CAMK2B: variants seen among roughly 807,000 people sequenced by gnomAD.
CAMK2B encodes the protein calcium/calmodulin dependent protein kinase II beta, also known as calcium/calmodulin-dependent protein kinase type II subunit beta.
A neutral mutation model predicts 93.7 loss-of-function variants in CAMK2B; 27 were observed. That is an observed-to-expected ratio of 0.29 (90% CI 0.21 to 0.40). The LOEUF is 0.40. Ranked by LOEUF, CAMK2B falls within the 10% of genes least tolerant of loss-of-function variation. CAMK2B has a pLI of 1.00. For missense variants in CAMK2B, 568 were observed against 895.8 expected, an observed-to-expected ratio of 0.63 and a Z score of 4.67; for synonymous variants, 374 against 358.8, an observed-to-expected ratio of 1.04 and a Z score of -0.48.
At chr7:44,257,393 G>A (rs1196242636) in intron 4 of CAMK2B, among the ~76,000 whole-genome samples, 2 of 152,194 alleles carry the variant, frequency 1.3e-5, no homozygotes, top group Non-Finnish European at 2.9e-5. Context: ...TTGGCAAGGC[G>A]GGAGACATGA....
At chr7:44,289,457 T>TA (rs1786119873) in intron 1 of CAMK2B, among the ~76,000 whole-genome samples, 2 of 152,166 alleles carry the variant, frequency 1.3e-5, no homozygotes, top group South Asian at 4.1e-4. Context: ...GACTGGGGGT[T>TA]ACCAAGATTA....
chr7:44,290,580 C>A (rs1786512940), intron 1 of CAMK2B, among the ~76,000 whole-genome samples: 1 of 152,256 alleles, frequency 6.6e-6, no homozygotes, highest in Admixed American at 6.5e-5. Context: ...AGTCCGCTGA[C>A]CTCATGCGGA....
chr7:44,227,313 A>C (rs189220742), intron 19 of CAMK2B, among the ~76,000 whole-genome samples: 1 of 980 alleles, frequency 1.0e-3, no homozygotes, highest in African/African-American at 7.8e-3. Context: ...AGAGGAGAGT[A>C]TGGGGGACAG....
chr7:44,310,894 C>T (rs1342204422), intron 1 of CAMK2B, among the ~76,000 whole-genome samples: 1 of 152,140 alleles, frequency 6.6e-6, no homozygotes, highest in African/African-American at 2.4e-5. Flanking sequence ...TGTAAATACA[C>T]GTACTGCCAC....
intron 8 of CAMK2B, 141 bp downstream of exon 8, chr7:44,243,109 C>T (rs1375327881): frequency 6.0e-6 from 4 of 666,238 alleles, no homozygotes; most frequent in Non-Finnish European, 1.0e-5. Context: ...AGACCCCTGC[C>T]AGGGCAGCTC....
rs140396007 is a variant in CAMK2B at position 44,262,818 on chromosome 7, T to A, written c.220+187A>T. Among the ~76,000 whole-genome samples the A allele has an allele frequency of 2.6e-5, 4 of 152,302 alleles. No homozygotes were observed. The East Asian group carries it at 7.7e-4, about 29-fold the overall frequency. ...GAGCACCCCCGGGAATCATGTCACA[T>A]ACGACAAAGTCCTCAAGGTCAGGGG... On this transcript the variant is annotated intron_variant, in intron 3 of 23. Transcript: ENST00000395749.
chr7:44,245,699 G>A (rs2096723362), intron 6 of CAMK2B, among the ~76,000 whole-genome samples: 1 of 151,758 alleles, frequency 6.6e-6, no homozygotes, highest in Non-Finnish European at 1.5e-5. Context: ...AGAGGGAACA[G>A]GGGGTACGGT....
At chr7:44,293,583 A>T (rs1178494303) in intron 1 of CAMK2B, among the ~76,000 whole-genome samples, 1 of 152,170 alleles carries the variant, frequency 6.6e-6, no homozygotes, top group Non-Finnish European at 1.5e-5. Context: ...GGGCTAGGGG[A>T]AAATAGTTTG....
rs1794584571 is a variant in CAMK2B, at chr7:44,315,263, T to C, written c.65+10094A>G. Among the ~76,000 whole-genome samples the C allele has an allele frequency of 1.2e-4, 18 of 152,360 alleles. No individual in the cohort carries two copies. In the South Asian group the frequency reaches 3.7e-3, roughly 32 times the overall value. On this transcript the variant is annotated intron_variant, in intron 1 of 23. Transcript: ENST00000395749. ...TTTGAAATAATTTTTGTATATGGTG[T>C]CAAGTACAGCTCCAACTTCATTCTT...
rs1406473345 is a variant in CAMK2B at position 44,243,232 on chromosome 7, A to G, written c.601+18T>C. On this transcript the variant is annotated intron_variant, in intron 8 of 23. Coordinates refer to ENST00000395749, the MANE Select transcript of CAMK2B (RefSeq NM_001220.5). ...ACACCCGAGGCCCTGCCCCGCACCA[A>G]CTCAGGCCAGGCCTCACCACATGCC... The G allele has an allele frequency of 1.2e-6, 2 of 1,603,154 alleles. No homozygotes were observed. The highest frequency in any genetic ancestry group is 3.3e-5 in the Admixed American group (2 of 59,952).
At chr7:44,221,708 C>A (rs985690365) in intron 20 of CAMK2B, among the ~76,000 whole-genome samples, 1 of 151,862 alleles carries the variant, frequency 6.6e-6, no homozygotes, top group Non-Finnish European at 1.5e-5. Flanking sequence ...CGCCTGCCTG[C>A]AGCTCCTGCC....
chr7:44,234,525 C>T (rs1369334731), intron 14 of CAMK2B, 64 bp from the exon 15 acceptor site: 4 of 1,584,196 alleles, frequency 2.5e-6, no homozygotes, highest in South Asian at 1.1e-5. Flanking sequence ...TTCCCTGTCC[C>T]GTGTCTCTCA....
intron 1 of CAMK2B, among the ~76,000 whole-genome samples, chr7:44,300,328 G>C (rs911839815): frequency 2.0e-5 from 3 of 151,996 alleles, no homozygotes; most frequent in African/African-American, 7.3e-5. Flanking sequence ...AAGCCACCAT[G>C]CCCAGCTATA....
intron 2 of CAMK2B, among the ~76,000 whole-genome samples, chr7:44,282,087 C>T (rs558006376): frequency 2.0e-4 from 31 of 152,346 alleles, no homozygotes; most frequent in African/African-American, 7.5e-4. Flanking sequence ...TGAACATGCA[C>T]AGGTACGCTC....
At chr7:44,266,654 C>T (rs2096923983) in intron 2 of CAMK2B, among the ~76,000 whole-genome samples, 1 of 152,174 alleles carries the variant, frequency 6.6e-6, no homozygotes, top group East Asian at 1.9e-4. Flanking sequence ...AGGCCTGTGG[C>T]GAGAACACAG....
chr7:44,252,264 T>C (rs2096787509), intron 5 of CAMK2B, among the ~76,000 whole-genome samples: 1 of 151,928 alleles, frequency 6.6e-6, no homozygotes, highest in East Asian at 1.9e-4. Flanking sequence ...TGCAGCATTC[T>C]GGGCAGGCTG....
At chr7:44,277,711 C>G (rs1442213629) in intron 2 of CAMK2B, among the ~76,000 whole-genome samples, 1 of 152,232 alleles carries the variant, frequency 6.6e-6, no homozygotes, top group South Asian at 2.1e-4. Context: ...CCTTCTCCCC[C>G]ACCAACCCTT....
Position 44,296,240 on chromosome 7 carries a change from G to A in CAMK2B, c.66-12015C>T, listed in dbSNP as rs116023482. Reference sequence around the variant, plus strand: ...AAGTGGACAACATACAAGAACAGGCGGGTGATGTAAGTAAAGAGATGGAAG... The same window carrying A: ...AAGTGGACAACATACAAGAACAGGCAGGTGATGTAAGTAAAGAGATGGAAG... On this transcript the variant is annotated intron_variant, in intron 1 of 23. Coordinates refer to ENST00000395749, the MANE Select transcript of CAMK2B (RefSeq NM_001220.5). Among the ~76,000 whole-genome samples, 297 of 152,216 alleles carry A rather than the reference G, an allele frequency of 2.0e-3. 1 individual carries two copies. Among genetic ancestry groups the A allele is most frequent in the African/African-American group, 6.9e-3 (285 of 41,514 alleles).
chr7:44,259,038 A>T (rs2096857477), intron 3 of CAMK2B, 112 bp from the exon 4 acceptor site: 1 of 988,820 alleles, frequency 1.0e-6, no homozygotes, highest in Admixed American at 2.0e-5. Context: ...AGGGCTGCCC[A>T]GAGGATCGGG....
Sources: allele counts gnomAD v4.1 joint callset (sites outside exome capture counted in the v4.1 genomes callset), GRCh38; gene constraint gnomAD v4.1.1; transcripts MANE v1.5; gene names NCBI Gene and HGNC (gene_info 2026-07-23, HGNC 2026-07-21).